Variants in CSMD1 observed in about 807,000 individuals in gnomAD.
The protein encoded by CSMD1 is CUB and Sushi multiple domains 1, also known as CUB and sushi domain-containing protein 1.
In CSMD1, 213 loss-of-function variants were observed where a neutral mutation model predicts 417.5. The ratio of observed to expected loss-of-function variants is 0.51; its 90% CI spans 0.46 to 0.57. The LOEUF is 0.57. Ranked by LOEUF, CSMD1 falls within the 20% of genes least tolerant of loss-of-function variation. The pLI is 0.00. For synonymous variants in CSMD1, 2,862 were observed against 1,736.8 expected, an observed-to-expected ratio of 1.65 and a Z score of -16.11; for missense variants, 6,923 against 4,529.7, an observed-to-expected ratio of 1.53 and a Z score of -15.17.
At chr8:4,175,869 C>T (rs928599351) in intron 3 of CSMD1, among the ~76,000 whole-genome samples, 15 of 152,102 alleles carry the variant, frequency 9.9e-5, no homozygotes, top group African/African-American at 2.7e-4. Context: ...TGTTACCAAG[C>T]GAGTAATGGG....
intron 3 of CSMD1, among the ~76,000 whole-genome samples, chr8:4,198,335 G>C (rs758023869): frequency 2.0e-5 from 3 of 152,242 alleles, no homozygotes; most frequent in Non-Finnish European, 4.4e-5. Flanking sequence ...GTACGTCATG[G>C]TGGACCTGTG....
intron 1 of CSMD1, among the ~76,000 whole-genome samples, chr8:4,884,004 T>G (rs76240375): frequency 0.016 from 2,456 of 152,162 alleles, 115 homozygotes; most frequent in East Asian, 0.13. Context: ...TGCTATTGTC[T>G]GTATTTTTGA....
chr8:4,030,411 C>G (rs1797282642), intron 4 of CSMD1, among the ~76,000 whole-genome samples: 1 of 152,234 alleles, frequency 6.6e-6, no homozygotes, highest in Non-Finnish European at 1.5e-5. Flanking sequence ...CTCAACACCA[C>G]ATGGAAGCTG....
chr8:3,829,479 G>A (rs1401661284), intron 5 of CSMD1, among the ~76,000 whole-genome samples: 2 of 152,088 alleles, frequency 1.3e-5, no homozygotes, highest in African/African-American at 2.4e-5. Flanking sequence ...CCGCCACCCT[G>A]CTGTTCTTGA....
intron 3 of CSMD1, among the ~76,000 whole-genome samples, chr8:4,321,810 A>C (rs1321697232): frequency 6.6e-6 from 1 of 152,172 alleles, no homozygotes; most frequent in East Asian, 1.9e-4. Context: ...AAAGTACTAA[A>C]TATCTTTTTT....
intron 14 of CSMD1, among the ~76,000 whole-genome samples, chr8:3,407,010 T>C (rs1372408429): frequency 2.0e-5 from 3 of 151,836 alleles, no homozygotes; most frequent in Non-Finnish European, 2.9e-5. Context: ...TGGATGGTTG[T>C]ATAGATGGGA....
rs1403293515 is a variant in CSMD1, at chr8:4,267,234, G to C, written c.415+152719C>G. On this transcript the variant is annotated intron_variant, in intron 3 of 69. Coordinates refer to ENST00000635120, the MANE Select transcript of CSMD1 (RefSeq NM_033225.6). ...CATTAACAACAGTTATTAAAGAAAA[G>C]TGAGTTCAATGAAGTTGCTACTTAG... Among the ~76,000 whole-genome samples the C allele has an allele frequency of 9.6e-5, 10 of 103,630 alleles. 4 individuals are homozygous for C. Among genetic ancestry groups the C allele is most frequent in the Non-Finnish European group, 2.3e-4 (9 of 38,508 alleles). The allele number at this position is 103,630 out of a possible 152,430, so 68.0% of individuals were successfully genotyped here.
intron 5 of CSMD1, among the ~76,000 whole-genome samples, chr8:3,933,330 A>G (rs938311389): frequency 6.6e-6 from 1 of 152,220 alleles, no homozygotes; most frequent in Admixed American, 6.5e-5. Flanking sequence ...CTTTCATTAA[A>G]TTACTTGAAC....
At chr8:3,229,462 G>T (rs1798702271) in intron 27 of CSMD1, among the ~76,000 whole-genome samples, 1 of 152,038 alleles carries the variant, frequency 6.6e-6, no homozygotes, top group Non-Finnish European at 1.5e-5. Context: ...ATTGTCTCAG[G>T]TGGCTATTCA....
chr8:3,464,929 T>C (rs1312946434), intron 12 of CSMD1, among the ~76,000 whole-genome samples: 1 of 152,184 alleles, frequency 6.6e-6, no homozygotes, highest in Admixed American at 6.5e-5. Context: ...TGCATTTTTT[T>C]CCCCATAATT....
At chr8:4,421,393 G>T (rs1336118758) in intron 2 of CSMD1, among the ~76,000 whole-genome samples, 1 of 151,952 alleles carries the variant, frequency 6.6e-6, no homozygotes, top group Non-Finnish European at 1.5e-5. Context: ...TTTCTTTCAG[G>T]TGCCCACAGA....
chr8:3,102,496 GTC>G (rs2129013087), intron 46 of CSMD1, among the ~76,000 whole-genome samples: 1 of 152,276 alleles, frequency 6.6e-6, no homozygotes, highest in South Asian at 2.1e-4. Flanking sequence ...CCCTGTAACT[GTC>G]TGTGACAAAT....
chr8:4,615,063 GTC>G (rs1801397751), intron 2 of CSMD1, among the ~76,000 whole-genome samples: 1 of 152,032 alleles, frequency 6.6e-6, no homozygotes, highest in African/African-American at 2.4e-5. Context: ...CTTCCTATTT[GTC>G]TCAGATCTAC....
intron 5 of CSMD1, among the ~76,000 whole-genome samples, chr8:3,811,815 A>G (rs1305392503): frequency 1.3e-5 from 2 of 152,180 alleles, no homozygotes; most frequent in African/African-American, 4.8e-5. Flanking sequence ...TGCTTCAGCA[A>G]CTTTAAGGGT....
At chr8:3,498,274 T>A (rs966594785) in intron 10 of CSMD1, among the ~76,000 whole-genome samples, 10 of 152,224 alleles carry the variant, frequency 6.6e-5, no homozygotes, top group Admixed American at 2.0e-4. Flanking sequence ...TATATTGCTA[T>A]ATCAAGGTGT....
chr8:4,005,855 C>T (rs1242144862), intron 4 of CSMD1, among the ~76,000 whole-genome samples: 1 of 152,180 alleles, frequency 6.6e-6, no homozygotes, highest in East Asian at 1.9e-4. Flanking sequence ...TCTTTTAATT[C>T]CCTGGTCCCC....
rs536881141 is a variant in CSMD1, at chr8:4,517,617, G to T, written c.303-97552C>A. On this transcript the variant is annotated intron_variant, in intron 2 of 69. Coordinates refer to ENST00000635120, the MANE Select transcript of CSMD1 (RefSeq NM_033225.6). ...TGTATAATGTATTTAACATGCACGA[G>T]CCTTTAAACACCTAAGAGCCACGAA... 1.5e-3 allele frequency among the ~76,000 whole-genome samples: 227 copies of T among 152,218 alleles called. 1 individual carries two copies. The highest frequency in any genetic ancestry group is 2.5e-3 in the Non-Finnish European group (173 of 68,010).
intron 12 of CSMD1, among the ~76,000 whole-genome samples, chr8:3,451,622 T>G (rs1426921710): frequency 1.3e-5 from 2 of 152,214 alleles, no homozygotes; most frequent in Non-Finnish European, 2.9e-5. Context: ...GAGCAGATAC[T>G]TGTAGATATA....
intron 2 of CSMD1, among the ~76,000 whole-genome samples, chr8:4,499,338 G>A (rs1413472368): frequency 1.3e-5 from 2 of 152,178 alleles, no homozygotes; most frequent in African/African-American, 2.4e-5. Flanking sequence ...GCCCATATGG[G>A]GAAGTGTGAG....
Sources: allele counts gnomAD v4.1 joint callset (sites outside exome capture counted in the v4.1 genomes callset), GRCh38; gene constraint gnomAD v4.1.1; transcripts MANE v1.5; gene names NCBI Gene and HGNC (gene_info 2026-07-23, HGNC 2026-07-21).